TTBK2: variants seen among roughly 807,000 people sequenced by gnomAD.
TTBK2 encodes tau tubulin kinase 2, also known as tau-tubulin kinase 2.
A neutral mutation model predicts 110.8 loss-of-function variants in TTBK2; 28 were observed. The ratio of observed to expected loss-of-function variants is 0.25; its 90% CI spans 0.19 to 0.35. TTBK2 has a LOEUF of 0.35. Ranked by LOEUF, TTBK2 falls within the 10% of genes least tolerant of loss-of-function variation. The probability of loss-of-function intolerance (pLI) is 1.00; values close to 1 mark genes in which losing one functional copy is unlikely to be tolerated. For synonymous variants in TTBK2, 532 were observed against 527.3 expected, an observed-to-expected ratio of 1.01 and a Z score of -0.12; for missense variants, 1,369 against 1,500.3, an observed-to-expected ratio of 0.91 and a Z score of 1.45.
chr15:42,783,526 A>G lies in TTBK2; in HGVS notation c.1090T>C (p.Ser364Pro), dbSNP rs750838070. ...DGENGIPVGV[S>P]PDKLPGSLGH... ...AGAGATCCAGGCAATTTATCTGGTGACACACCAACAGGGATGCCATTTTCT... is the reference window on the plus strand; with the variant it reads ...AGAGATCCAGGCAATTTATCTGGTGGCACACCAACAGGGATGCCATTTTCT... Residue 364 changes from serine to proline, a missense_variant, in exon 11 of 15, where the codon TCA (serine) becomes CCA (proline). Around this residue, in one of 4 missense-constraint regions of TTBK2, gnomAD observed 1,097 missense variants for 1,114.7 expected, o/e 0.98. Transcript: ENST00000267890. The G allele has an allele frequency of 6.2e-7, 1 of 1,614,140 alleles. No homozygotes were observed. The highest frequency in any genetic ancestry group is 1.1e-5 in the South Asian group (1 of 91,086).
intron 3 of TTBK2, chr15:42,855,163 G>T (rs947206504): frequency 5.3e-5 from 8 of 152,026 alleles, no homozygotes; most frequent in African/African-American, 1.9e-4. Context: ...AGCAACCTCA[G>T]GCCTCTCGGG....
At chr15:42,888,605 T>A (rs1895332667) in intron 1 of TTBK2, among the ~76,000 whole-genome samples, 1 of 152,128 alleles carries the variant, frequency 6.6e-6, no homozygotes, top group Non-Finnish European at 1.5e-5. Context: ...ACTCGGGCCC[T>A]CACTCTTGCA....
intron 4 of TTBK2, among the ~76,000 whole-genome samples, chr15:42,836,029 A>G (rs1892971671): frequency 6.6e-6 from 1 of 152,128 alleles, no homozygotes; most frequent in Non-Finnish European, 1.5e-5. Flanking sequence ...AATGTTTTGC[A>G]CCTCTGTAGT....
intron 3 of TTBK2, among the ~76,000 whole-genome samples, chr15:42,848,238 A>G (rs1219748408): frequency 6.6e-6 from 1 of 151,938 alleles, no homozygotes; most frequent in African/African-American, 2.4e-5. Context: ...CTTTTTCAAC[A>G]TTGTTTTGGC....
At chr15:42,830,803 A>G (rs1231453347) in intron 4 of TTBK2, among the ~76,000 whole-genome samples, 1 of 151,960 alleles carries the variant, frequency 6.6e-6, no homozygotes, top group African/African-American at 2.4e-5. Context: ...CAGGAGATTG[A>G]GACTATCCTG....
At chr15:42,863,214 G>A (rs892625275) in intron 3 of TTBK2, among the ~76,000 whole-genome samples, 21 of 152,076 alleles carry the variant, frequency 1.4e-4, no homozygotes, top group African/African-American at 5.1e-4. Context: ...CTTCAGTGAA[G>A]TTTCAGTATA....
chr15:42,787,898 C>G (rs1890477212), intron 10 of TTBK2, among the ~76,000 whole-genome samples: 1 of 152,226 alleles, frequency 6.6e-6, no homozygotes, highest in Admixed American at 6.5e-5. Flanking sequence ...CAAATGATCA[C>G]AGCGTACTTA....
At chr15:42,827,832 T>C in intron 6 of TTBK2, 96 bp downstream of exon 6, 1 of 950,532 alleles carries the variant, frequency 1.1e-6, no homozygotes. Context: ...TTAGATAACA[T>C]CCATTAGGAT....
chr15:42,917,278 G>GT (rs2031131932), intron 1 of TTBK2, among the ~76,000 whole-genome samples: 1 of 152,126 alleles, frequency 6.6e-6, no homozygotes, highest in Non-Finnish European at 1.5e-5. Context: ...ACAAAAGTTT[G>GT]TAAGTACTAT....
chr15:42,810,725 A>T lies in TTBK2; in HGVS notation c.711T>A (p.Ser237=). The stretch of plus-strand genomic sequence containing the variant: ...GCCTGTGGTCATATCTCTCCTTAAT[A>T]GAGCCTACTTGCTCCTGGGAAGTAA... ...RKIKDKEQVG[S]IKERYDHRLM... The change falls in exon 9 of 15, where the codon TCT becomes TCA. Residue 237 remains serine (S), a synonymous_variant. Transcript: ENST00000267890. 1 of 1,613,890 alleles carries T rather than the reference A, an allele frequency of 6.2e-7. No homozygotes were observed.
rs113183563 is a variant in TTBK2, at chr15:42,898,438, G to T, written c.-67-19754C>A. On this transcript the variant is annotated intron_variant, in intron 1 of 14. Coordinates refer to ENST00000267890, the MANE Select transcript of TTBK2 (RefSeq NM_173500.4). Reference sequence around the variant, plus strand: ...CATGCACCTGTAGTCCCAGCTACTCGGGAGGCAGAGGTTGCAGAGAGCCAA... The same window carrying T: ...CATGCACCTGTAGTCCCAGCTACTCTGGAGGCAGAGGTTGCAGAGAGCCAA... 4.6e-5 allele frequency among the ~76,000 whole-genome samples: 7 copies of T among 151,914 alleles called. 1 individual carries two copies. The highest frequency in any genetic ancestry group is 3.9e-4 in the Admixed American group (6 of 15,268).
At chr15:42,877,927 C>T (rs1894875321) in intron 2 of TTBK2, among the ~76,000 whole-genome samples, 1 of 151,278 alleles carries the variant, frequency 6.6e-6, no homozygotes, top group Non-Finnish European at 1.5e-5. Context: ...CAAAATTAAT[C>T]ATACATTGAT....
chr15:42,870,689 C>T (rs940693153), intron 3 of TTBK2, among the ~76,000 whole-genome samples: 1 of 151,676 alleles, frequency 6.6e-6, no homozygotes, highest in Admixed American at 6.6e-5. Context: ...GGTGAAACCC[C>T]ATCTCTACTA....
chr15:42,794,169 G>C (rs962506008), intron 10 of TTBK2, among the ~76,000 whole-genome samples: 4 of 150,326 alleles, frequency 2.7e-5, no homozygotes, highest in African/African-American at 9.8e-5. Context: ...ACACGTAGAG[G>C]AAAAAACATT....
intron 12 of TTBK2, 68 bp downstream of exon 12, chr15:42,776,963 T>C (rs1204270542): frequency 1.3e-6 from 2 of 1,505,588 alleles, no homozygotes; most frequent in African/African-American, 1.4e-5. Context: ...ACAATAATAA[T>C]AACAACAATG....
chr15:42,872,720 G>A lies in TTBK2; in HGVS notation c.108C>T (p.Tyr36=), dbSNP rs56234199. 162 of 1,613,832 alleles carry A rather than the reference G, an allele frequency of 1.0e-4. No homozygotes were observed. The highest frequency in any genetic ancestry group is 1.3e-4 in the Non-Finnish European group (152 of 1,179,978). ...KIGGGGFGEI[Y]DALDMLTREN... is the part of the protein sequence containing the mutation. Reference sequence around the variant, plus strand: ...CCCTGGTGAGCATGTCCAAGGCATCGTAAATTTCTCCAAAGCCCCCACCCC... The same window carrying A: ...CCCTGGTGAGCATGTCCAAGGCATCATAAATTTCTCCAAAGCCCCCACCCC... The change falls in exon 3 of 15, where the codon TAC becomes TAT. Residue 36 remains tyrosine, a synonymous_variant. Transcript: ENST00000267890.
chr15:42,902,460 C>T (rs1348003911), intron 1 of TTBK2, among the ~76,000 whole-genome samples: 5 of 151,968 alleles, frequency 3.3e-5, no homozygotes, highest in Non-Finnish European at 7.4e-5. Context: ...GCGGAGATTG[C>T]GGTGAGCCGA....
chr15:42,841,275 T>G (rs897788580), intron 3 of TTBK2, among the ~76,000 whole-genome samples: 1 of 152,154 alleles, frequency 6.6e-6, no homozygotes, highest in Non-Finnish European at 1.5e-5. Context: ...GGCAAGATCT[T>G]GGCTCACTGC....
At chr15:42,908,180 G>A (rs569589627) in intron 1 of TTBK2, 48 of 152,266 alleles carry the variant, frequency 3.2e-4, no homozygotes, top group African/African-American at 1.0e-3. Flanking sequence ...TTAGACTGGC[G>A]AAAGTACAGA....
Sources: allele counts gnomAD v4.1 joint callset (sites outside exome capture counted in the v4.1 genomes callset), GRCh38; gene constraint gnomAD v4.1.1; regional missense constraint gnomAD v4.1.1; transcripts MANE v1.5; gene names NCBI Gene and HGNC (gene_info 2026-07-23, HGNC 2026-07-21).